SVOPL: variants seen among roughly 807,000 people sequenced by gnomAD.
SVOPL encodes putative transporter SVOPL.
Under a neutral mutation model 61.0 loss-of-function variants are expected in SVOPL, and 60 were observed. That is an observed-to-expected ratio of 0.98 (90% CI 0.80 to 1.22). The LOEUF (loss-of-function observed/expected upper bound fraction) is 1.22. Ranked by LOEUF, SVOPL falls within the 50% of genes most tolerant of loss-of-function variation. The pLI is 0.00. For synonymous variants in SVOPL, 279 were observed against 250.0 expected (o/e 1.12, Z -1.09); for missense variants, 662 against 643.9 (o/e 1.03, Z -0.30).
intron 13 of SVOPL, among the ~76,000 whole-genome samples, chr7:138,622,929 C>G (rs73164663): frequency 5.3e-5 from 8 of 152,298 alleles, no homozygotes; most frequent in Non-Finnish European, 1.0e-4. Context: ...AATGGTTTCT[C>G]AAAATGTTGG....
At chr7:138,686,457 C>T (rs1410328254) in intron 1 of SVOPL, among the ~76,000 whole-genome samples, 1 of 148,056 alleles carries the variant, frequency 6.8e-6, no homozygotes, top group Non-Finnish European at 1.5e-5. Context: ...TGTAGTAGCA[C>T]ATCAAGGTCA....
intron 14 of SVOPL, among the ~76,000 whole-genome samples, chr7:138,612,435 AT>A (rs1353289702): frequency 1.1e-4 from 2 of 18,518 alleles, no homozygotes; most frequent in Non-Finnish European, 3.0e-4. Context: ...AAAATAAAAA[AT>A]AAAAAAAAAA....
intron 6 of SVOPL, 78 bp from the exon 7 acceptor site, chr7:138,656,589 G>A: frequency 6.8e-7 from 1 of 1,460,192 alleles, no homozygotes; most frequent in East Asian, 2.3e-5. Context: ...AGTTTTTCTT[G>A]TCACAGGGAT....
chr7:138,689,090 G>C, intron 1 of SVOPL: 1 of 745,176 alleles, frequency 1.3e-6, no homozygotes, highest in Non-Finnish European at 2.5e-6. Context: ...AGGTCATCAA[G>C]GGTATGCATA....
At chr7:138,673,490 C>T (rs1313876725) in intron 3 of SVOPL, among the ~76,000 whole-genome samples, 1 of 151,966 alleles carries the variant, frequency 6.6e-6, no homozygotes, top group East Asian at 1.9e-4. Flanking sequence ...AACCCCATCG[C>T]TGCTAAAAAT....
chr7:138,609,772 G>A (rs1433005331), intron 14 of SVOPL, among the ~76,000 whole-genome samples: 1 of 151,742 alleles, frequency 6.6e-6, no homozygotes, highest in Non-Finnish European at 1.5e-5. Context: ...TCGTTCTGCT[G>A]CCCAGGATGG....
intron 1 of SVOPL, among the ~76,000 whole-genome samples, chr7:138,682,797 C>T (rs1404688136): frequency 6.6e-6 from 1 of 151,734 alleles, no homozygotes; most frequent in Non-Finnish European, 1.5e-5. Flanking sequence ...GGTAAAACCC[C>T]ATCTCTACTA....
At chr7:138,685,035 C>T (rs553186888) in intron 1 of SVOPL, among the ~76,000 whole-genome samples, 5 of 151,528 alleles carry the variant, frequency 3.3e-5, no homozygotes, top group East Asian at 1.9e-4. Flanking sequence ...TGGGTTCAAG[C>T]GATTCTCCTG....
intron 4 of SVOPL, 117 bp from the exon 5 acceptor site, chr7:138,663,262 A>G: frequency 6.6e-7 from 1 of 1,522,228 alleles, no homozygotes; most frequent in African/African-American, 1.4e-5. Context: ...AAGTTAATTT[A>G]AAGAACAGGG....
At chr7:138,612,447 T>TA (rs59229265) in intron 14 of SVOPL, among the ~76,000 whole-genome samples, 228 of 22,320 alleles carry the variant, frequency 0.01, 37 homozygotes, top group African/African-American at 0.032. Context: ...AAAAAAAAAA[T>TA]AAAAAAAAAA....
chr7:138,660,353 G>A, intron 5 of SVOPL: 1 of 997,538 alleles, frequency 1.0e-6, no homozygotes. Context: ...AACATTTAAG[G>A]TATTTGCTTT....
chr7:138,596,483 A>T lies in SVOPL; in HGVS notation c.1401T>A (p.Ser467=). The change falls in exon 15 of 16, where the codon TCT becomes TCA. Residue 467 remains serine, a synonymous_variant. Transcript: ENST00000674285. The part of the protein sequence containing the change: ...SILGALCLFS[S]VCVVCAISAF... ...CAGAAATGGCGCATACAACACAGAC[A>T]GATGAGAAGAGACACAGGGCCCCCA... 1 of 1,613,950 alleles carries T rather than the reference A, an allele frequency of 6.2e-7. No individual in the cohort carries two copies. The highest frequency in any genetic ancestry group is 8.5e-7 in the Non-Finnish European group (1 of 1,179,878).
rs543142136 is a variant in SVOPL at position 138,633,124 on chromosome 7, G to A, written c.790-3002C>T. The stretch of plus-strand genomic sequence containing the variant: ...AGTAGGAAGGAAGAAGTGAGCTGAC[G>A]CTGTTATAGTAGCTTTCTGAACTCC... On this transcript the variant is annotated intron_variant, in intron 9 of 15. Transcript: ENST00000674285. Among the ~76,000 whole-genome samples, 146 of 152,240 alleles carry A rather than the reference G, an allele frequency of 9.6e-4. 3 individuals are homozygous for A. In the South Asian group the frequency reaches 0.028, roughly 29 times the overall value.
chr7:138,684,912 A>AGG (rs1802771036), intron 1 of SVOPL, among the ~76,000 whole-genome samples: 2 of 150,898 alleles, frequency 1.3e-5, no homozygotes, highest in Admixed American at 6.6e-5. Context: ...CATGCATACA[A>AGG]GGGAATTTTT....
rs149130318 is a variant in SVOPL, at chr7:138,647,521, C to G, written c.660+1491G>C. 9.1e-4 allele frequency among the ~76,000 whole-genome samples: 138 copies of G among 151,662 alleles called. 2 individuals are homozygous for G. Among genetic ancestry groups the G allele is most frequent in the South Asian group, 7.1e-3 (34 of 4,798 alleles). ...GGAAAGACTTTAACAGCTAGGGGTGCCTGGAGATGGGATATACTGTTGAAA... is the reference window on the plus strand; with the variant it reads ...GGAAAGACTTTAACAGCTAGGGGTGGCTGGAGATGGGATATACTGTTGAAA... On this transcript the variant is annotated intron_variant, in intron 8 of 15. Coordinates refer to ENST00000674285, the MANE Select transcript of SVOPL (RefSeq NM_001139456.2).
chr7:138,675,586 C>G (rs1477189455), intron 3 of SVOPL, among the ~76,000 whole-genome samples: 1 of 152,034 alleles, frequency 6.6e-6, no homozygotes, highest in East Asian at 1.9e-4. Context: ...CAACTCCTGA[C>G]CACAGGTGAT....
At chr7:138,679,591 G>GT (rs1802656879) in intron 1 of SVOPL, among the ~76,000 whole-genome samples, 1 of 152,040 alleles carries the variant, frequency 6.6e-6, no homozygotes, top group South Asian at 2.1e-4. Context: ...TACTTTTTAG[G>GT]TATGTGGCTT....
intron 14 of SVOPL, among the ~76,000 whole-genome samples, chr7:138,617,268 C>A (rs930301072): frequency 6.6e-6 from 1 of 152,102 alleles, no homozygotes; most frequent in Non-Finnish European, 1.5e-5. Flanking sequence ...CTGTGCCCAG[C>A]CTGAAACATT....
chr7:138,613,718 A>T (rs184583005), intron 14 of SVOPL, among the ~76,000 whole-genome samples: 100 of 152,272 alleles, frequency 6.6e-4, no homozygotes, highest in African/African-American at 2.4e-3. Context: ...CATTAATTGC[A>T]TATTGATAAA....
Sources: allele counts gnomAD v4.1 joint callset (sites outside exome capture counted in the v4.1 genomes callset), GRCh38; gene constraint gnomAD v4.1.1; transcripts MANE v1.5; gene names NCBI Gene and HGNC (gene_info 2026-07-23, HGNC 2026-07-21).